Variants in ZNF804A observed in about 807,000 individuals in gnomAD.
ZNF804A encodes the protein zinc finger protein 804A.
A neutral mutation model predicts 16.5 loss-of-function variants in ZNF804A; 2 were observed. The ratio of observed to expected loss-of-function variants is 0.12; its 90% CI spans 0.05 to 0.38. The LOEUF (loss-of-function observed/expected upper bound fraction) is 0.38, where lower values mean the gene tolerates loss of function less well. ZNF804A is among the 10% of genes least tolerant of loss of function. The pLI, the probability that ZNF804A is intolerant of heterozygous loss-of-function variation, is 0.99. For synonymous variants in ZNF804A, 534 were observed against 489.6 expected, an observed-to-expected ratio of 1.09 and a Z score of -1.20; for missense variants, 1,473 against 1,390.7, an observed-to-expected ratio of 1.06 and a Z score of -0.94.
intron 2 of ZNF804A, among the ~76,000 whole-genome samples, chr2:184,926,108 C>G (rs148516879): frequency 6.6e-6 from 1 of 151,990 alleles, no homozygotes; most frequent in South Asian, 2.1e-4. Flanking sequence ...ATTGTATCTT[C>G]AGATGATTTC....
intron 1 of ZNF804A, among the ~76,000 whole-genome samples, chr2:184,601,838 C>T (rs1691053923): frequency 6.6e-6 from 1 of 151,762 alleles, no homozygotes; most frequent in African/African-American, 2.4e-5. Flanking sequence ...TAGTTAGTTT[C>T]TGTCAATAGA....
At chr2:184,758,264 C>T (rs552860992) in intron 1 of ZNF804A, among the ~76,000 whole-genome samples, 8 of 151,592 alleles carry the variant, frequency 5.3e-5, no homozygotes, top group East Asian at 1.9e-4. Flanking sequence ...TTCAAGATAG[C>T]GAATTAGGTA....
chr2:184,889,309 C>A (rs948811279), intron 2 of ZNF804A, among the ~76,000 whole-genome samples: 1 of 151,442 alleles, frequency 6.6e-6, no homozygotes. Flanking sequence ...GTTAATTTTT[C>A]TTTGTTTTAT....
intron 1 of ZNF804A, among the ~76,000 whole-genome samples, chr2:184,823,449 C>A (rs1228255888): frequency 6.6e-6 from 1 of 152,074 alleles, no homozygotes; most frequent in African/African-American, 2.4e-5. Flanking sequence ...TCAGGAGTTT[C>A]TGATCATTTG....
At chr2:184,764,807 G>T (rs547990018) in intron 1 of ZNF804A, among the ~76,000 whole-genome samples, 1 of 152,026 alleles carries the variant, frequency 6.6e-6, no homozygotes, top group Non-Finnish European at 1.5e-5. Flanking sequence ...AATAGTTTAT[G>T]AAAAAAATGA....
intron 2 of ZNF804A, among the ~76,000 whole-genome samples, chr2:184,915,666 C>T (rs1443853413): frequency 2.0e-5 from 3 of 152,164 alleles, no homozygotes; most frequent in East Asian, 3.9e-4. Flanking sequence ...ATAACATGCA[C>T]AGATTGCAAA....
chr2:184,886,162 TG>T (rs1203180122), intron 2 of ZNF804A, among the ~76,000 whole-genome samples: 2 of 152,122 alleles, frequency 1.3e-5, no homozygotes, highest in African/African-American at 4.8e-5. Flanking sequence ...TGGGAGAAAT[TG>T]GCCAAAACAA....
At chr2:184,750,650 C>G (rs1281068744) in intron 1 of ZNF804A, among the ~76,000 whole-genome samples, 1 of 151,332 alleles carries the variant, frequency 6.6e-6, no homozygotes, top group Non-Finnish European at 1.5e-5. Flanking sequence ...AAGTTTTCTC[C>G]CATCTTCTTT....
intron 2 of ZNF804A, among the ~76,000 whole-genome samples, chr2:184,871,282 G>A (rs755960823): frequency 6.6e-6 from 1 of 151,802 alleles, no homozygotes; most frequent in Non-Finnish European, 1.5e-5. Context: ...ATTGAATGAA[G>A]AGTAGATACC....
intron 1 of ZNF804A, among the ~76,000 whole-genome samples, chr2:184,743,502 G>C (rs1467880164): frequency 6.6e-6 from 1 of 151,792 alleles, no homozygotes; most frequent in Non-Finnish European, 1.5e-5. Context: ...AATTTGTCTT[G>C]AAGTGCAATA....
In ZNF804A at chr2:184,598,913, G is replaced by T; in HGVS notation, c.-47G>T. Reference sequence around the variant, plus strand: ...CCGGCGCGCTGCGGCTGTGGGCGCGGGGTGCGTGGAAGCGGCGGCTGCGGC... The same window carrying T: ...CCGGCGCGCTGCGGCTGTGGGCGCGTGGTGCGTGGAAGCGGCGGCTGCGGC... On this transcript the variant is annotated 5_prime_UTR_variant, in exon 1 of 4. Coordinates refer to ENST00000302277, the MANE Select transcript of ZNF804A (RefSeq NM_194250.2). 2 of 1,355,576 alleles carry T rather than the reference G, an allele frequency of 1.5e-6. No individual in the cohort carries two copies. The highest frequency in any genetic ancestry group is 1.3e-5 in the South Asian group (1 of 75,720). 84.0% of individuals were successfully genotyped at this position (1,355,576 alleles called of 1,614,324 possible).
intron 1 of ZNF804A, among the ~76,000 whole-genome samples, chr2:184,617,333 T>C (rs1691341340): frequency 6.6e-6 from 1 of 152,068 alleles, no homozygotes; most frequent in Non-Finnish European, 1.5e-5. Context: ...AATGCATTCA[T>C]AGTATTCAAT....
At chr2:184,746,810 T>G (rs1220266786) in intron 1 of ZNF804A, among the ~76,000 whole-genome samples, 1 of 151,528 alleles carries the variant, frequency 6.6e-6, no homozygotes, top group East Asian at 1.9e-4. Context: ...ACATTTTTCT[T>G]TCTGTTCCTG....
intron 2 of ZNF804A, among the ~76,000 whole-genome samples, chr2:184,921,823 C>G (rs530338351): frequency 3.3e-5 from 5 of 151,966 alleles, no homozygotes; most frequent in Non-Finnish European, 7.4e-5. Flanking sequence ...TCTCCATCTC[C>G]GTGAGTTTAA....
intron 1 of ZNF804A, among the ~76,000 whole-genome samples, chr2:184,602,292 A>G (rs931849424): frequency 1.3e-5 from 2 of 151,984 alleles, no homozygotes; most frequent in African/African-American, 4.8e-5. Context: ...AGGTCAACCT[A>G]TTTATCATGA....
Position 184,853,378 on chromosome 2 carries a change from G to A in ZNF804A, c.112-12991G>A, listed in dbSNP as rs1042104327. ...TAAGATTATTTTATTTGAAAACAAG[G>A]AACTTTGACTTCATCTCTTGCCTAA... On this transcript the variant is annotated intron_variant, in intron 1 of 3. Transcript: ENST00000302277. Among the ~76,000 whole-genome samples the A allele has an allele frequency of 2.6e-5, 4 of 151,750 alleles. No homozygotes were observed. The South Asian group carries it at 8.3e-4, about 31-fold the overall frequency.
chr2:184,738,267 G>T (rs113790234), intron 1 of ZNF804A, among the ~76,000 whole-genome samples: 6 of 152,048 alleles, frequency 3.9e-5, no homozygotes, highest in African/African-American at 1.2e-4. Context: ...GAAATTGATG[G>T]ATGAGCACTG....
chr2:184,767,254 A>C (rs1193381624), intron 1 of ZNF804A, among the ~76,000 whole-genome samples: 1 of 152,194 alleles, frequency 6.6e-6, no homozygotes, highest in Non-Finnish European at 1.5e-5. Context: ...ACACAATGGA[A>C]TATTACTTAA....
chr2:184,821,803 A>T (rs1695091112), intron 1 of ZNF804A, among the ~76,000 whole-genome samples: 1 of 152,138 alleles, frequency 6.6e-6, no homozygotes, highest in Non-Finnish European at 1.5e-5. Context: ...GCCAACAAAC[A>T]TGAAAAAAAG....
Sources: gnomAD v4.1 joint callset for allele counts (sites outside exome capture counted in the v4.1 genomes callset) on GRCh38, gnomAD v4.1.1 for gene constraint, MANE v1.5 for transcripts, NCBI Gene and HGNC (gene_info 2026-07-23, HGNC 2026-07-21) for gene names.